The following PRKN variants were observed in gnomAD, a reference collection of about 807,000 sequenced individuals.
The protein encoded by PRKN is parkin RBR E3 ubiquitin protein ligase.
PRKN carries 56 observed loss-of-function variants against 59.5 expected under a neutral mutation model. The ratio of observed to expected loss-of-function variants is 0.94; its 90% CI spans 0.76 to 1.18. The LOEUF (loss-of-function observed/expected upper bound fraction) is 1.18, where lower values mean the gene tolerates loss of function less well. Among genes scored for constraint, PRKN ranks in the 50% most tolerant of loss-of-function variants. The pLI, the probability that PRKN is intolerant of heterozygous loss-of-function variation, is 0.00. For synonymous variants in PRKN, 250 were observed against 222.1 expected, an observed-to-expected ratio of 1.13 and a Z score of -1.12; for missense variants, 657 against 596.4, an observed-to-expected ratio of 1.10 and a Z score of -1.06.
In PRKN at chr6:161,475,030, A is replaced by G. The variant is rs1790997689; in HGVS notation, c.1083+73824T>C. Among the ~76,000 whole-genome samples the G allele has an allele frequency of 2.0e-5, 3 of 148,446 alleles. No individual in the cohort carries two copies. Among genetic ancestry groups the G allele is most frequent in the South Asian group, 2.1e-4 (1 of 4,682 alleles). ...AGTGATTCTCCTGCCTCAGCCTCCC[A>G]AGTAGCTGGGACTACAGGCATGCAC... is the stretch of plus-strand genomic sequence containing the variant. On this transcript the variant is annotated intron_variant, in intron 9 of 11. Transcript: ENST00000366898. The surrounding 1 kb of genome is among the most constrained non-coding windows in gnomAD (Gnocchi z 5.3).
chr6:161,542,220 A>T (rs1159962588), intron 9 of PRKN, among the ~76,000 whole-genome samples: 1 of 152,248 alleles, frequency 6.6e-6, no homozygotes, highest in Non-Finnish European at 1.5e-5. Flanking sequence ...TGTGACATAC[A>T]AAATACCTGC....
intron 3 of PRKN, among the ~76,000 whole-genome samples, chr6:162,246,678 G>A (rs2128093840): frequency 6.6e-6 from 1 of 152,190 alleles, no homozygotes; most frequent in South Asian, 2.1e-4. Flanking sequence ...TATGTGATAA[G>A]GTTTCTATTT....
intron 1 of PRKN, among the ~76,000 whole-genome samples, chr6:162,645,587 G>A (rs1778139812): frequency 6.6e-6 from 1 of 151,988 alleles, no homozygotes; most frequent in Non-Finnish European, 1.5e-5. Flanking sequence ...TTAGCTGTAT[G>A]GGCCACTACA....
intron 5 of PRKN, among the ~76,000 whole-genome samples, chr6:161,988,731 T>C (rs1230177381): frequency 6.6e-6 from 1 of 152,030 alleles, no homozygotes; most frequent in Non-Finnish European, 1.5e-5. Flanking sequence ...ATATAAATCA[T>C]AAACACAGAG....
In PRKN at chr6:161,360,210, G is replaced by A. The variant is rs1434705595; in HGVS notation, c.1168-5C>T. On this transcript the variant is annotated splice_region_variant and splice_polypyrimidine_tract_variant and intron_variant, in intron 10 of 11. Coordinates refer to ENST00000366898, the MANE Select transcript of PRKN (RefSeq NM_004562.3). This position sits in a 1 kb window ranked among gnomAD's most constrained non-coding sequence, Gnocchi z 5.1. ...TCTTTCATCGACTCTGTAGGCCTGG[G>A]GAAACAAAGAGGAAAGGCGTTTAAT... 6.2e-7 allele frequency: 1 copy of A among 1,606,686 alleles called. No individual in the cohort carries two copies. Among genetic ancestry groups the A allele is most frequent in the Non-Finnish European group, 8.5e-7 (1 of 1,173,126 alleles).
chr6:161,868,558 G>A (rs1794217041), intron 6 of PRKN, among the ~76,000 whole-genome samples: 2 of 152,064 alleles, frequency 1.3e-5, no homozygotes, highest in Admixed American at 1.3e-4. Context: ...TCCAACCTAG[G>A]TGAGAGAGTG....
chr6:161,482,365 C>A (rs538832414), intron 9 of PRKN, among the ~76,000 whole-genome samples: 43 of 152,214 alleles, frequency 2.8e-4, no homozygotes, highest in African/African-American at 1.0e-3. Context: ...CTGTTAGGAT[C>A]AAAACAATCT....
At chr6:162,550,482 T>A (rs1415260449) in intron 1 of PRKN, among the ~76,000 whole-genome samples, 2 of 152,016 alleles carry the variant, frequency 1.3e-5, no homozygotes, top group South Asian at 2.1e-4. Flanking sequence ...ATGATGAGAG[T>A]TGGGAGAAGG....
chr6:162,369,595 G>A (rs756584890), intron 2 of PRKN, among the ~76,000 whole-genome samples: 36 of 152,172 alleles, frequency 2.4e-4, no homozygotes, highest in Non-Finnish European at 4.9e-4. Context: ...CTCACAAAGA[G>A]AAAAAAGTAA....
chr6:161,844,076 T>A (rs976254810), intron 6 of PRKN, among the ~76,000 whole-genome samples: 3 of 152,176 alleles, frequency 2.0e-5, no homozygotes, highest in African/African-American at 7.2e-5. Context: ...GCAGCCGAGA[T>A]AATGAATAAG....
chr6:162,542,668 C>T (rs34885328), intron 1 of PRKN, among the ~76,000 whole-genome samples: 13,290 of 152,138 alleles, frequency 0.087, 727 homozygotes, highest in South Asian at 0.18. Flanking sequence ...TCATAGAGAA[C>T]ATTATGTCTC....
At chr6:161,792,846 A>G (rs1232737669) in intron 6 of PRKN, among the ~76,000 whole-genome samples, 2 of 152,216 alleles carry the variant, frequency 1.3e-5, no homozygotes, top group Non-Finnish European at 2.9e-5. Flanking sequence ...AAAAACATGA[A>G]TTTATCTTCT....
chr6:161,725,592 G>A lies in PRKN; in HGVS notation c.871+60180C>T, dbSNP rs538598930. Among the ~76,000 whole-genome samples the A allele has an allele frequency of 2.0e-4, 30 of 152,258 alleles. 1 individual carries two copies. The South Asian group carries it at 4.6e-3, about 23-fold the overall frequency. On this transcript the variant is annotated intron_variant, in intron 7 of 11. Transcript: ENST00000366898. ...CATCCCTTCTAGTCACTGGCTAACC[G>A]CATGGCTCACCCTACCCATTTCCGC...
intron 2 of PRKN, among the ~76,000 whole-genome samples, chr6:162,416,321 C>T (rs912523679): frequency 2.0e-5 from 3 of 152,196 alleles, no homozygotes; most frequent in African/African-American, 4.8e-5. Context: ...TCAAGATAAT[C>T]GTAGCAGAGC....
At chr6:161,586,965 G>A (rs1277841690) in intron 7 of PRKN, among the ~76,000 whole-genome samples, 1 of 152,164 alleles carries the variant, frequency 6.6e-6, no homozygotes, top group Admixed American at 6.5e-5. Flanking sequence ...CAAAGGCTGT[G>A]ATTTAAATTT....
chr6:161,567,281 C>T (rs912541739), intron 8 of PRKN, among the ~76,000 whole-genome samples: 43 of 152,154 alleles, frequency 2.8e-4, no homozygotes, highest in African/African-American at 9.9e-4. Context: ...CTTCTGGCCT[C>T]AAATGATCTG....
At chr6:161,677,907 G>C (rs1785148748) in intron 7 of PRKN, among the ~76,000 whole-genome samples, 1 of 152,122 alleles carries the variant, frequency 6.6e-6, no homozygotes, top group Non-Finnish European at 1.5e-5. Context: ...GCTACTCATG[G>C]ACTCAAATTT....
At chr6:162,608,319 A>G (rs1156629373) in intron 1 of PRKN, among the ~76,000 whole-genome samples, 1 of 152,204 alleles carries the variant, frequency 6.6e-6, no homozygotes, top group Non-Finnish European at 1.5e-5. Context: ...GAGTATGTTC[A>G]CTGGAACAGG....
At chr6:162,620,262 C>A (rs1227570298) in intron 1 of PRKN, among the ~76,000 whole-genome samples, 52 of 152,084 alleles carry the variant, frequency 3.4e-4, no homozygotes, top group Admixed American at 3.4e-3. Context: ...CTTAAGTCAA[C>A]ATCTTTTTCA....
Sources: gnomAD v4.1 joint callset for allele counts (sites outside exome capture counted in the v4.1 genomes callset) on GRCh38, gnomAD v4.1.1 for gene constraint, Gnocchi (gnomAD v3.1) non-coding constraint, MANE v1.5 for transcripts, NCBI Gene and HGNC (gene_info 2026-07-23, HGNC 2026-07-21) for gene names.